HACD2: variants seen among roughly 807,000 people sequenced by gnomAD.
HACD2 encodes 3-hydroxyacyl-CoA dehydratase 2.
A neutral mutation model predicts 31.0 loss-of-function variants in HACD2; 15 were observed. That is an observed-to-expected ratio of 0.48 (90% CI 0.32 to 0.75). HACD2 has a LOEUF of 0.75. Among genes scored for constraint, HACD2 ranks in the 30% least tolerant of loss-of-function variants. HACD2 has a pLI of 0.03. For synonymous variants in HACD2, 115 were observed against 122.2 expected, an observed-to-expected ratio of 0.94 and a Z score of 0.39; for missense variants, 283 against 313.0, an observed-to-expected ratio of 0.90 and a Z score of 0.72.
intron 6 of HACD2, among the ~76,000 whole-genome samples, chr3:123,498,840 T>C (rs2055868413): frequency 6.6e-6 from 1 of 152,180 alleles, no homozygotes; most frequent in African/African-American, 2.4e-5. Flanking sequence ...TCATGGAGGC[T>C]GCGTGTGGTA....
chr3:123,574,829 G>T (rs907437883), intron 2 of HACD2, among the ~76,000 whole-genome samples: 24 of 151,968 alleles, frequency 1.6e-4, no homozygotes, highest in Non-Finnish European at 3.4e-4. Flanking sequence ...TTCAGTATCT[G>T]CAATTGTGCT....
At chr3:123,572,566 T>C (rs1447219059) in intron 2 of HACD2, among the ~76,000 whole-genome samples, 1 of 152,206 alleles carries the variant, frequency 6.6e-6, no homozygotes, top group African/African-American at 2.4e-5. Flanking sequence ...GTCCCTTCCA[T>C]TTCCACTGGC....
At chr3:123,569,709 C>G (rs1208188145) in intron 2 of HACD2, among the ~76,000 whole-genome samples, 1 of 152,000 alleles carries the variant, frequency 6.6e-6, no homozygotes, top group Non-Finnish European at 1.5e-5. Flanking sequence ...CCAGACTGGC[C>G]AGGCATGGTG....
At chr3:123,556,684 A>G (rs1229993480) in intron 3 of HACD2, among the ~76,000 whole-genome samples, 1 of 152,192 alleles carries the variant, frequency 6.6e-6, no homozygotes, top group African/African-American at 2.4e-5. Context: ...CAAGCCCCAG[A>G]GCAAGAGAAA....
At chr3:123,542,392 C>T (rs2056504356) in intron 3 of HACD2, among the ~76,000 whole-genome samples, 1 of 152,042 alleles carries the variant, frequency 6.6e-6, no homozygotes, top group Non-Finnish European at 1.5e-5. Context: ...AATCATAATA[C>T]CCAAATGCTG....
chr3:123,494,509 G>C lies in HACD2; in HGVS notation c.*379C>G, dbSNP rs1470831624. ...GAAACATAACTATACTGCAAGCTGG[G>C]CTATTCAGCTGGTACGACTTCATTA... On this transcript the variant is annotated 3_prime_UTR_variant, in exon 7 of 7. Transcript: ENST00000383657. 1.9e-5 allele frequency: 5 copies of C among 261,210 alleles called. No homozygotes were observed. The East Asian group carries it at 7.1e-4, about 37-fold the overall frequency. 16.2% of individuals were successfully genotyped at this position (261,210 alleles called of 1,614,324 possible).
intron 6 of HACD2, among the ~76,000 whole-genome samples, chr3:123,496,070 A>C (rs1330206524): frequency 2.0e-5 from 3 of 152,186 alleles, no homozygotes; most frequent in African/African-American, 7.2e-5. Flanking sequence ...TTTGTCACCC[A>C]GGCTGGTATG....
chr3:123,509,304 G>A (rs2056020263), intron 4 of HACD2, among the ~76,000 whole-genome samples: 1 of 151,888 alleles, frequency 6.6e-6, no homozygotes, highest in South Asian at 2.1e-4. Context: ...GAAAGTTAAG[G>A]CTGCAGTGAG....
intron 4 of HACD2, among the ~76,000 whole-genome samples, chr3:123,505,041 G>A (rs6775978): frequency 0.079 from 11,976 of 152,228 alleles, 581 homozygotes; most frequent in African/African-American, 0.14. Flanking sequence ...TACATACAGC[G>A]GGATATTATT....
At chr3:123,565,064 C>T (rs1273430464) in intron 3 of HACD2, among the ~76,000 whole-genome samples, 1 of 152,124 alleles carries the variant, frequency 6.6e-6, no homozygotes, top group East Asian at 1.9e-4. Context: ...GGACCTAGGT[C>T]TGAGCCCATT....
intron 3 of HACD2, among the ~76,000 whole-genome samples, chr3:123,567,437 C>T (rs1366738831): frequency 6.6e-6 from 1 of 152,148 alleles, no homozygotes; most frequent in Non-Finnish European, 1.5e-5. Context: ...GGCTTTTCAA[C>T]ACAGCCCAGC....
intron 2 of HACD2, among the ~76,000 whole-genome samples, 176 bp downstream of exon 2, chr3:123,582,036 T>C (rs1465822748): frequency 6.6e-6 from 1 of 152,214 alleles, no homozygotes; most frequent in Non-Finnish European, 1.5e-5. Context: ...TTAAATGAGA[T>C]TCTACCCAAT....
chr3:123,524,746 C>T (rs544082122), intron 4 of HACD2, among the ~76,000 whole-genome samples: 1 of 152,220 alleles, frequency 6.6e-6, no homozygotes, highest in Admixed American at 6.5e-5. Context: ...CTCAGCCTCC[C>T]AAAGTGCTGA....
intron 2 of HACD2, among the ~76,000 whole-genome samples, chr3:123,573,212 T>C (rs2626019): frequency 0.025 from 3,855 of 152,356 alleles, 69 homozygotes; most frequent in Middle Eastern, 0.088. Flanking sequence ...TAATAATATA[T>C]AGTCTTCAAG....
intron 3 of HACD2, among the ~76,000 whole-genome samples, chr3:123,553,597 G>A (rs1021714208): frequency 3.3e-5 from 5 of 152,200 alleles, no homozygotes; most frequent in African/African-American, 4.8e-5. Flanking sequence ...GAGCAACCTG[G>A]AAGGATAAGG....
rs2055814403 is a variant in HACD2, at chr3:123,494,924, G to C, written c.729C>G (p.Ile243Met). ...TCTTGTGTTCTTCAGTATGAGAAAG[G>C]ATCTTTCTTCTCTGGTGTATCATGT... Reference protein sequence around the residue: ...YFHMIHQRRKILSHTEEHKKF... With the variant: ...YFHMIHQRRKMLSHTEEHKKF... The change falls in exon 7 of 7, where the codon ATC becomes ATG. Residue 243 changes from isoleucine (I) to methionine (M), a missense_variant. Around this residue, in one of 3 missense-constraint regions of HACD2, gnomAD observed 40 missense variants for 35.1 expected, o/e 1.14. Transcript: ENST00000383657. 1 of 1,561,302 alleles carries C rather than the reference G, an allele frequency of 6.4e-7. No homozygotes were observed. Among genetic ancestry groups the C allele is most frequent in the South Asian group, 1.2e-5 (1 of 84,502 alleles).
In HACD2 at chr3:123,494,934, C is replaced by G; in HGVS notation, c.719G>C (p.Arg240Thr). ...TTCAGTATGAGAAAGGATCTTTCTT[C>G]TCTGGTGTATCATGTGGAAGTATAA... ...PQLYFHMIHQ[R>T]RKILSHTEEH... Residue 240 changes from arginine (R) to threonine (T), a missense_variant, in exon 7 of 7, where the codon AGA becomes ACA. Transcript: ENST00000383657. The G allele has an allele frequency of 6.4e-7, 1 of 1,560,878 alleles. No homozygotes were observed.
intron 6 of HACD2, 142 bp downstream of exon 6, chr3:123,500,373 C>G (rs2065140813): frequency 1.6e-6 from 1 of 634,472 alleles, no homozygotes; most frequent in Non-Finnish European, 2.7e-6. Context: ...TTTTGATAGT[C>G]AGCATTCAAT....
At chr3:123,569,051 T>C (rs970422121) in intron 2 of HACD2, among the ~76,000 whole-genome samples, 10 of 152,194 alleles carry the variant, frequency 6.6e-5, no homozygotes, top group African/African-American at 2.4e-4. Flanking sequence ...CTGATAAGGC[T>C]CTGTGCCTTA....
Sources: gnomAD v4.1 joint callset for allele counts (sites outside exome capture counted in the v4.1 genomes callset) on GRCh38, gnomAD v4.1.1 for gene constraint, gnomAD v4.1.1 regional missense constraint, MANE v1.5 for transcripts, NCBI Gene and HGNC (gene_info 2026-07-23, HGNC 2026-07-21) for gene names.